The following ESR1 variants were observed in gnomAD, a reference collection of about 807,000 sequenced individuals.
The protein encoded by ESR1 is estrogen receptor.
A neutral mutation model predicts 52.7 loss-of-function variants in ESR1; 12 were observed. The observed-to-expected ratio is 0.23, with a 90% CI of 0.15 to 0.37. The LOEUF (loss-of-function observed/expected upper bound fraction) is 0.37. Among genes scored for constraint, ESR1 ranks in the 10% least tolerant of loss-of-function variants. ESR1 has a pLI of 1.00. For synonymous variants in ESR1, 305 were observed against 316.8 expected, an observed-to-expected ratio of 0.96 and a Z score of 0.39; for missense variants, 584 against 779.7, an observed-to-expected ratio of 0.75 and a Z score of 2.99.
intron 1 of ESR1, among the ~76,000 whole-genome samples, chr6:151,834,862 G>T (rs966653698): frequency 6.6e-6 from 1 of 152,080 alleles, no homozygotes. Context: ...GGGGAGCAAG[G>T]GAAGGAGTGT....
At chr6:151,977,338 T>G (rs1340046643) in intron 4 of ESR1, among the ~76,000 whole-genome samples, 1 of 151,332 alleles carries the variant, frequency 6.6e-6, no homozygotes, top group Non-Finnish European at 1.5e-5. Flanking sequence ...CGTACAACTT[T>G]GGCTCTGGGT....
intron 5 of ESR1, among the ~76,000 whole-genome samples, chr6:152,045,505 C>T (rs536495965): frequency 1.3e-5 from 2 of 152,108 alleles, no homozygotes; most frequent in African/African-American, 2.4e-5. Flanking sequence ...CGAGGCTCTG[C>T]GGCCAGACTG....
chr6:152,019,840 G>T (rs1378138803), intron 5 of ESR1, among the ~76,000 whole-genome samples: 1 of 152,118 alleles, frequency 6.6e-6, no homozygotes, highest in Non-Finnish European at 1.5e-5. Context: ...TTAAGAGGGG[G>T]TTGGCCACTT....
At chr6:151,888,708 G>A (rs1312385265) in intron 3 of ESR1, among the ~76,000 whole-genome samples, 2 of 151,946 alleles carry the variant, frequency 1.3e-5, no homozygotes, top group Non-Finnish European at 2.9e-5. Flanking sequence ...GTACTATGTT[G>A]AATAGAAGTG....
intron 4 of ESR1, among the ~76,000 whole-genome samples, chr6:151,960,651 T>C (rs1027147495): frequency 3.9e-5 from 6 of 152,198 alleles, no homozygotes; most frequent in African/African-American, 1.4e-4. Flanking sequence ...TTTTGGCTTT[T>C]ATTCTGAAGG....
intron 6 of ESR1, among the ~76,000 whole-genome samples, chr6:152,075,805 C>T (rs9479196): frequency 0.2 from 31,014 of 151,830 alleles, 4,313 homozygotes; most frequent in African/African-American, 0.38. Context: ...TATATATGCT[C>T]AGATCGTATG....
Position 152,037,751 on chromosome 6 carries a change from G to A in ESR1, c.1236-23240G>A, listed in dbSNP as rs559627243. ...AAGCACATCTTTCTGCTGGAAAAATGAGGTTTATAGTGGTTAAGTTTAGTT... is the reference window on the plus strand; with the variant it reads ...AAGCACATCTTTCTGCTGGAAAAATAAGGTTTATAGTGGTTAAGTTTAGTT... On this transcript the variant is annotated intron_variant, in intron 5 of 7. Coordinates refer to ENST00000206249, the MANE Select transcript of ESR1 (RefSeq NM_000125.4). 2.0e-5 allele frequency among the ~76,000 whole-genome samples: 3 copies of A among 152,302 alleles called. 1 individual carries two copies. The highest frequency in any genetic ancestry group is 2.0e-4 in the Admixed American group (3 of 15,302).
intron 3 of ESR1, among the ~76,000 whole-genome samples, chr6:151,936,677 G>C (rs771959842): frequency 3.3e-5 from 5 of 152,148 alleles, no homozygotes; most frequent in Non-Finnish European, 5.9e-5. Context: ...CAAAACACTG[G>C]ACATGACACT....
chr6:151,908,309 G>A (rs912002715), intron 3 of ESR1, among the ~76,000 whole-genome samples: 6 of 151,886 alleles, frequency 4.0e-5, no homozygotes, highest in Non-Finnish European at 8.8e-5. Flanking sequence ...ATACCTGTGT[G>A]TATTATCATT....
intron 3 of ESR1, among the ~76,000 whole-genome samples, chr6:151,889,350 G>A (rs1442644720): frequency 6.6e-6 from 1 of 152,082 alleles, no homozygotes; most frequent in Non-Finnish European, 1.5e-5. Context: ...CTAGCTATTG[G>A]TCTGGTCAGA....
intron 1 of ESR1, among the ~76,000 whole-genome samples, chr6:151,683,396 G>A (rs1386394399): frequency 1.3e-5 from 2 of 151,514 alleles, no homozygotes; most frequent in African/African-American, 4.9e-5. Context: ...ATGATAGAGG[G>A]ATGTGGATTG....
chr6:151,805,171 T>C (rs1313700363), upstream of ESR1: 1 of 152,178 alleles, frequency 6.6e-6, no homozygotes, highest in Non-Finnish European at 1.5e-5. Flanking sequence ...TGCCAAAACA[T>C]TTATTCCAAA....
At chr6:151,932,180 GA>G (rs1420306941) in intron 3 of ESR1, among the ~76,000 whole-genome samples, 1 of 151,982 alleles carries the variant, frequency 6.6e-6, no homozygotes, top group East Asian at 1.9e-4. Flanking sequence ...TTGTGGTTTT[GA>G]TTTGCATTTC....
intron 4 of ESR1, among the ~76,000 whole-genome samples, chr6:152,010,884 CCTT>C (rs1309585910): frequency 1.9e-4 from 28 of 149,438 alleles, no homozygotes; most frequent in Middle Eastern, 3.2e-3. Flanking sequence ...TCCTCCTTCT[CCTT>C]CTTCTTCTTC....
intron 4 of ESR1, among the ~76,000 whole-genome samples, chr6:151,969,360 T>C (rs2128628489): frequency 6.6e-6 from 1 of 152,336 alleles, no homozygotes; most frequent in Non-Finnish European, 1.5e-5. Flanking sequence ...TTGGCCTTTA[T>C]TTTCATGTAG....
upstream of ESR1, among the ~76,000 whole-genome samples, chr6:151,688,579 CTCTGGT>C (rs1207948158): frequency 3.3e-5 from 5 of 151,668 alleles, no homozygotes; most frequent in African/African-American, 1.2e-4. Context: ...TTCAATCAAC[CTCTGGT>C]TGGATAAAAA....
chr6:151,747,152 C>A (rs1424563476), intron 2 of ESR1, among the ~76,000 whole-genome samples: 2 of 152,094 alleles, frequency 1.3e-5, no homozygotes, highest in Non-Finnish European at 2.9e-5. Context: ...ATCCCCCTTC[C>A]TTTTAGTCAA....
chr6:151,703,697 A>C (rs1779968659), intron 2 of ESR1, among the ~76,000 whole-genome samples: 1 of 152,178 alleles, frequency 6.6e-6, no homozygotes, highest in South Asian at 2.1e-4. Context: ...CTGAGGCTGA[A>C]CAAAGTAGAA....
intron 2 of ESR1, among the ~76,000 whole-genome samples, chr6:151,847,959 C>G (rs1208629614): frequency 6.8e-6 from 1 of 147,174 alleles, no homozygotes; most frequent in Non-Finnish European, 1.5e-5. Flanking sequence ...ACCATTTGAC[C>G]CAGCTATCCC....
Sources: gnomAD v4.1 joint callset for allele counts (sites outside exome capture counted in the v4.1 genomes callset) on GRCh38, gnomAD v4.1.1 for gene constraint, MANE v1.5 for transcripts, NCBI Gene and HGNC (gene_info 2026-07-23, HGNC 2026-07-21) for gene names.